Variants in MYO1D observed in about 807,000 individuals in gnomAD.
The protein encoded by MYO1D is unconventional myosin-Id.
In MYO1D, 83 loss-of-function variants were observed where a neutral mutation model predicts 122.0. That is an observed-to-expected ratio of 0.68 (90% confidence interval 0.57 to 0.82). The LOEUF is 0.82. Among genes scored for constraint, MYO1D ranks in the 40% least tolerant of loss-of-function variants. The pLI, the probability that MYO1D is intolerant of heterozygous loss-of-function variation, is 0.00. For missense variants in MYO1D, 1,157 were observed against 1,269.5 expected, an observed-to-expected ratio of 0.91 and a Z score of 1.35; for synonymous variants, 464 against 446.9, an observed-to-expected ratio of 1.04 and a Z score of -0.48.
At chr17:32,709,963 A>G (rs1233487511) in intron 16 of MYO1D, among the ~76,000 whole-genome samples, 2 of 152,134 alleles carry the variant, frequency 1.3e-5, no homozygotes, top group Non-Finnish European at 2.9e-5. Context: ...ATTTAAGTAA[A>G]CCTATATTAC....
At chr17:32,782,727 G>A (rs2090251713) in intron 1 of MYO1D, among the ~76,000 whole-genome samples, 1 of 152,262 alleles carries the variant, frequency 6.6e-6, no homozygotes, top group East Asian at 1.9e-4. Context: ...CTTGAGACCA[G>A]GAGTTTGAGA....
chr17:32,814,976 G>A (rs1598121231), intron 1 of MYO1D, among the ~76,000 whole-genome samples: 1 of 152,184 alleles, frequency 6.6e-6, no homozygotes, highest in East Asian at 1.9e-4. Flanking sequence ...ACTTGCGGGA[G>A]GCTTTTATGA....
chr17:32,871,210 C>T (rs565243838), intron 1 of MYO1D, among the ~76,000 whole-genome samples: 1 of 152,208 alleles, frequency 6.6e-6, no homozygotes, highest in Non-Finnish European at 1.5e-5. Context: ...CACCCACACA[C>T]AACCCCCCCA....
intron 21 of MYO1D, among the ~76,000 whole-genome samples, chr17:32,578,464 CCA>C (rs2087299032): frequency 1.3e-5 from 2 of 152,316 alleles, no homozygotes; most frequent in Non-Finnish European, 2.9e-5. Context: ...TAGGACATAC[CCA>C]CAGTTAGATT....
chr17:32,683,604 G>A (rs1388879010), intron 16 of MYO1D, among the ~76,000 whole-genome samples: 10 of 151,378 alleles, frequency 6.6e-5, no homozygotes, highest in South Asian at 2.1e-4. Flanking sequence ...GCAGTCTGCC[G>A]GTTCTCAGAT....
intron 21 of MYO1D, among the ~76,000 whole-genome samples, chr17:32,539,055 CAT>C (rs112813795): frequency 0.24 from 36,280 of 151,976 alleles, 5,157 homozygotes; most frequent in Admixed American, 0.32. Flanking sequence ...CACCATGGCA[CAT>C]GTTTACCTAC....
intron 1 of MYO1D, among the ~76,000 whole-genome samples, chr17:32,835,424 A>G (rs1350418048): frequency 6.6e-6 from 1 of 152,224 alleles, no homozygotes; most frequent in Non-Finnish European, 1.5e-5. Flanking sequence ...TGAAAGGACC[A>G]TGACTTAGTT....
intron 21 of MYO1D, among the ~76,000 whole-genome samples, chr17:32,542,053 T>A (rs991019472): frequency 2.0e-5 from 3 of 152,174 alleles, no homozygotes; most frequent in Admixed American, 6.5e-5. Context: ...TCCACCAGGT[T>A]TGCAGCTCCT....
chr17:32,676,363 T>TC (rs2088809078), intron 16 of MYO1D, among the ~76,000 whole-genome samples: 1 of 151,842 alleles, frequency 6.6e-6, no homozygotes, highest in Non-Finnish European at 1.5e-5. Flanking sequence ...TTTTTTTTTT[T>TC]TTTGTCCATA....
chr17:32,572,604 C>T (rs1303197012), intron 21 of MYO1D, among the ~76,000 whole-genome samples: 2 of 152,132 alleles, frequency 1.3e-5, no homozygotes, highest in Non-Finnish European at 2.9e-5. Flanking sequence ...ACATCACCCC[C>T]TTTGCTAAAA....
chr17:32,792,039 A>G (rs2090358186), intron 1 of MYO1D, among the ~76,000 whole-genome samples: 1 of 152,170 alleles, frequency 6.6e-6, no homozygotes, highest in Admixed American at 6.5e-5. Flanking sequence ...CGAGTTTTTT[A>G]TGGCTTCATA....
At chr17:32,758,910 T>C (rs1177169699) in intron 10 of MYO1D, among the ~76,000 whole-genome samples, 2 of 152,122 alleles carry the variant, frequency 1.3e-5, no homozygotes, top group Non-Finnish European at 2.9e-5. Flanking sequence ...CTTTTTGAGA[T>C]GTTTGGAACA....
intron 1 of MYO1D, among the ~76,000 whole-genome samples, chr17:32,804,794 G>A (rs1041844341): frequency 2.6e-5 from 4 of 152,020 alleles, no homozygotes; most frequent in Admixed American, 6.6e-5. Context: ...TAACTTTTAC[G>A]ACAATTTGAC....
At chr17:32,533,885 A>T (rs796923008) in intron 21 of MYO1D, among the ~76,000 whole-genome samples, 19 of 152,356 alleles carry the variant, frequency 1.2e-4, no homozygotes, top group African/African-American at 4.6e-4. Flanking sequence ...AATTAAAATT[A>T]AAAATGGGAA....
intron 21 of MYO1D, among the ~76,000 whole-genome samples, chr17:32,547,931 A>T (rs225203): frequency 2.0e-5 from 3 of 150,934 alleles, no homozygotes; most frequent in African/African-American, 4.9e-5. Flanking sequence ...GCCTGGGTGA[A>T]GGAGCAAGAC....
chr17:32,849,324 C>A (rs1218261695), intron 1 of MYO1D, among the ~76,000 whole-genome samples: 2 of 148,790 alleles, frequency 1.3e-5, no homozygotes, highest in East Asian at 1.9e-4. Flanking sequence ...GGTATATACC[C>A]AAAGGACTAT....
intron 15 of MYO1D, among the ~76,000 whole-genome samples, chr17:32,712,780 G>A (rs1244928740): frequency 6.6e-6 from 1 of 152,218 alleles, no homozygotes; most frequent in Non-Finnish European, 1.5e-5. Context: ...TCCTTGTCAT[G>A]TGGGCCTCTC....
At chr17:32,532,679 T>TCA (rs1182824819) in intron 21 of MYO1D, among the ~76,000 whole-genome samples, 2 of 146,998 alleles carry the variant, frequency 1.4e-5, no homozygotes, top group Non-Finnish European at 3.0e-5. Context: ...TAAGCCGAGA[T>TCA]TGCCACTGCA....
At chr17:32,651,282 C>G (rs1326611915) in intron 19 of MYO1D, among the ~76,000 whole-genome samples, 1 of 152,194 alleles carries the variant, frequency 6.6e-6, no homozygotes, top group Non-Finnish European at 1.5e-5. Flanking sequence ...TGTTTCCCAG[C>G]CTTGAGTTAT....
Sources: gnomAD v4.1 joint callset for allele counts (sites outside exome capture counted in the v4.1 genomes callset) on GRCh38, gnomAD v4.1.1 for gene constraint, MANE v1.5 for transcripts, NCBI Gene and HGNC (gene_info 2026-07-23, HGNC 2026-07-21) for gene names.